The following MMP26 variants were observed in gnomAD, a reference collection of about 807,000 sequenced individuals.
MMP26 encodes the protein matrix metalloproteinase-26.
A neutral mutation model predicts 31.0 loss-of-function variants in MMP26; 33 were observed. That is an observed-to-expected ratio of 1.06 (90% CI 0.81 to 1.42). The LOEUF (loss-of-function observed/expected upper bound fraction) is 1.42. Ranked by LOEUF, MMP26 falls within the 40% of genes most tolerant of loss-of-function variation. The probability of loss-of-function intolerance (pLI) is 0.00; values close to 1 mark genes in which losing one functional copy is unlikely to be tolerated. For synonymous variants in MMP26, 122 were observed against 114.9 expected (o/e 1.06, Z -0.40); for missense variants, 347 against 316.1 (o/e 1.10, Z -0.74).
intron 1 of MMP26, among the ~76,000 whole-genome samples, chr11:4,716,699 T>C (rs10836523): frequency 0.28 from 39,537 of 139,642 alleles, 6,481 homozygotes; most frequent in Middle Eastern, 0.43. Flanking sequence ...TTCGCTCTTG[T>C]TGCCCAGCCT....
chr11:4,823,709 C>T (rs1051310665), intron 2 of MMP26, among the ~76,000 whole-genome samples: 5 of 152,100 alleles, frequency 3.3e-5, no homozygotes, highest in South Asian at 2.1e-4. Context: ...TGACCTTGTC[C>T]ATCATTATCC....
intron 2 of MMP26, among the ~76,000 whole-genome samples, chr11:4,865,044 A>C (rs1424520075): frequency 6.6e-6 from 1 of 152,088 alleles, no homozygotes; most frequent in Non-Finnish European, 1.5e-5. Flanking sequence ...AGCTATTATT[A>C]ATTGAGTTCT....
At chr11:4,790,534 G>A (rs1035426718) in intron 2 of MMP26, among the ~76,000 whole-genome samples, 2 of 152,120 alleles carry the variant, frequency 1.3e-5, no homozygotes, top group Non-Finnish European at 2.9e-5. Context: ...AAGAAGGTAT[G>A]TAATTGCTAT....
In MMP26 at chr11:4,722,574, G is replaced by A. The variant is rs548042819; in HGVS notation, c.-217+17529G>A. Among the ~76,000 whole-genome samples, 3 of 150,406 alleles carry A rather than the reference G, an allele frequency of 2.0e-5. No homozygotes were observed. The South Asian group carries it at 6.3e-4, about 31-fold the overall frequency. Reference sequence around the variant, plus strand: ...GTTTTGTAGCTGGAGGCACGGGCAAGGGGTGTCCTCAGGCACTAAACTCCC... The same window carrying A: ...GTTTTGTAGCTGGAGGCACGGGCAAAGGGTGTCCTCAGGCACTAAACTCCC... On this transcript the variant is annotated intron_variant, in intron 1 of 7. Transcript: ENST00000380390.
At chr11:4,895,329 C>G (rs781127340) in intron 2 of MMP26, among the ~76,000 whole-genome samples, 2 of 152,152 alleles carry the variant, frequency 1.3e-5, no homozygotes, top group Non-Finnish European at 2.9e-5. Flanking sequence ...GAAACCATAA[C>G]GTCATCTCAC....
chr11:4,919,844 C>A (rs1162767415), intron 2 of MMP26, among the ~76,000 whole-genome samples: 1 of 151,944 alleles, frequency 6.6e-6, no homozygotes, highest in African/African-American at 2.4e-5. Flanking sequence ...CTCAGGTAAC[C>A]CTATATGCTC....
At chr11:4,967,307 T>G (rs561864576) in intron 2 of MMP26, among the ~76,000 whole-genome samples, 2 of 152,316 alleles carry the variant, frequency 1.3e-5, no homozygotes, top group South Asian at 4.1e-4. Flanking sequence ...AAAAGTCTGG[T>G]CTCATTAGAT....
At chr11:4,907,050 C>T (rs12225064) in intron 2 of MMP26, among the ~76,000 whole-genome samples, 15,388 of 137,094 alleles carry the variant, frequency 0.11, 1,371 homozygotes, top group East Asian at 0.55. Flanking sequence ...AAGCTGAGAT[C>T]GCACCATTGC....
chr11:4,756,488 T>A lies in MMP26; in HGVS notation c.-216-10782T>A, dbSNP rs563623468. Among the ~76,000 whole-genome samples, 9 of 152,252 alleles carry A rather than the reference T, an allele frequency of 5.9e-5. No homozygotes were observed. In the East Asian group the frequency reaches 7.7e-4, roughly 13 times the overall value. The stretch of plus-strand genomic sequence containing the variant: ...AAATATTTGACTTAAATAAGTTTTT[T>A]TTTTAAATTACAAGCTTTCAGGCAG... On this transcript the variant is annotated intron_variant, in intron 1 of 7. Transcript: ENST00000380390.
intron 1 of MMP26, among the ~76,000 whole-genome samples, chr11:4,727,011 T>C (rs1848109853): frequency 6.6e-6 from 1 of 151,926 alleles, no homozygotes; most frequent in African/African-American, 2.4e-5. Flanking sequence ...CGGGACCCTG[T>C]CTCTAAAACA....
At chr11:4,916,238 C>A (rs1851089235) in intron 2 of MMP26, among the ~76,000 whole-genome samples, 1 of 152,026 alleles carries the variant, frequency 6.6e-6, no homozygotes. Flanking sequence ...TGTTCTGCCA[C>A]TGAAGGCCAC....
intron 2 of MMP26, chr11:4,769,416 G>A: frequency 6.2e-7 from 1 of 1,613,796 alleles, no homozygotes; most frequent in South Asian, 1.1e-5. Flanking sequence ...CAGAAATAGA[G>A]AGGCTTAAGG....
rs140929721 is a variant in MMP26, at chr11:4,923,515, G to A, written c.-144-64553G>A. The A allele has an allele frequency of 3.4e-5, 55 of 1,614,146 alleles. 1 individual carries two copies. In the African/African-American group the frequency reaches 6.5e-4, roughly 19 times the overall value. ...GCAGATACACATAGGACATGAAGAG[G>A]TGTACAACGCGGGGCAGATGTTCAC... is the stretch of plus-strand genomic sequence containing the variant. On this transcript the variant is annotated intron_variant, in intron 2 of 7. Coordinates refer to ENST00000380390, the MANE Select transcript of MMP26 (RefSeq NM_021801.5).
intron 1 of MMP26, chr11:4,710,395 T>C (rs1486063573): frequency 4.4e-6 from 2 of 457,020 alleles, no homozygotes; most frequent in Non-Finnish European, 8.8e-6. Flanking sequence ...CTTGTGCACA[T>C]GCTCATTGCC....
intron 2 of MMP26, among the ~76,000 whole-genome samples, chr11:4,770,890 AGCAGCTGTGTCGAATTGCTT>A (rs1848707437): frequency 6.6e-6 from 1 of 152,114 alleles, no homozygotes; most frequent in Non-Finnish European, 1.5e-5. Flanking sequence ...ATGTTACATG[AGCAGCTGTGTCGAATTGCTT>A]GCGCTGTGAA....
intron 2 of MMP26, chr11:4,919,287 C>T (rs1851146527): frequency 6.6e-6 from 1 of 152,258 alleles, no homozygotes; most frequent in Non-Finnish European, 1.5e-5. Flanking sequence ...GCTCTACACT[C>T]AGCATCAAAC....
chr11:4,992,314 T>C lies in MMP26; in HGVS notation c.*72T>C. On this transcript the variant is annotated 3_prime_UTR_variant, in exon 8 of 8. Transcript: ENST00000380390. ...TGGAGGATCAAAGAACTGAAAGCACTAGAGCAGCCTTGGGGACTGCTAGGA... is the reference window on the plus strand; with the variant it reads ...TGGAGGATCAAAGAACTGAAAGCACCAGAGCAGCCTTGGGGACTGCTAGGA... The C allele has an allele frequency of 6.8e-7, 1 of 1,474,534 alleles. No individual in the cohort carries two copies. Among genetic ancestry groups the C allele is most frequent in the Non-Finnish European group, 9.3e-7 (1 of 1,075,610 alleles). 91.3% of individuals were successfully genotyped at this position (1,474,534 alleles called of 1,614,324 possible). A position where few individuals can be genotyped will look rare whatever the true frequency, so the allele number is the denominator to read the frequency against.
intron 2 of MMP26, among the ~76,000 whole-genome samples, chr11:4,872,453 A>G (rs1850323333): frequency 6.6e-6 from 1 of 152,044 alleles, no homozygotes; most frequent in Non-Finnish European, 1.5e-5. Flanking sequence ...ATTCTACCAA[A>G]AACTAGTCAG....
At chr11:4,894,126 T>C (rs901837187) in intron 2 of MMP26, among the ~76,000 whole-genome samples, 3 of 151,138 alleles carry the variant, frequency 2.0e-5, no homozygotes, top group African/African-American at 7.3e-5. Flanking sequence ...GTAGGGAAAG[T>C]AGACATAAAA....
Sources: gnomAD v4.1 joint callset for allele counts (sites outside exome capture counted in the v4.1 genomes callset) on GRCh38, gnomAD v4.1.1 for gene constraint, MANE v1.5 for transcripts, NCBI Gene and HGNC (gene_info 2026-07-23, HGNC 2026-07-21) for gene names.